Variants in AGBL1 observed in about 807,000 individuals in gnomAD.
The protein encoded by AGBL1 is AGBL carboxypeptidase 1, also known as cytosolic carboxypeptidase 4.
A neutral mutation model predicts 118.9 loss-of-function variants in AGBL1; 130 were observed. The observed-to-expected ratio is 1.09, with a 90% CI of 0.95 to 1.26. AGBL1 has a LOEUF of 1.26. Ranked by LOEUF, AGBL1 falls within the 50% of genes most tolerant of loss-of-function variation. The pLI, the probability that AGBL1 is intolerant of heterozygous loss-of-function variation, is 0.00. For missense variants in AGBL1, 1,584 were observed against 1,298.1 expected (o/e 1.22, Z -3.38); for synonymous variants, 555 against 478.9 (o/e 1.16, Z -2.08).
chr15:86,704,191 A>G (rs1377564286), intron 22 of AGBL1, among the ~76,000 whole-genome samples: 1 of 152,222 alleles, frequency 6.6e-6, no homozygotes, highest in Non-Finnish European at 1.5e-5. Context: ...AAACCCTAGA[A>G]GAAAACCTAG....
chr15:86,295,238 C>A lies in AGBL1; in HGVS notation c.2221-17C>A. 1 of 1,612,550 alleles carries A rather than the reference C, an allele frequency of 6.2e-7. No homozygotes were observed. Among genetic ancestry groups the A allele is most frequent in the South Asian group, 1.1e-5 (1 of 90,942 alleles). The stretch of plus-strand genomic sequence containing the variant: ...AAAATGTTGATAATATACATGCCTG[C>A]TTTATTTCTGCTCCAGACTCATCTT... On this transcript the variant is annotated splice_polypyrimidine_tract_variant and intron_variant, in intron 16 of 22. Transcript: ENST00000614907.
chr15:87,028,130 A>G (rs1345593123), intron 24 of AGBL1, among the ~76,000 whole-genome samples: 2 of 151,942 alleles, frequency 1.3e-5, no homozygotes, highest in Non-Finnish European at 2.9e-5. Flanking sequence ...CTTCTGTTTC[A>G]ATATTAACTG....
chr15:86,998,621 T>TA (rs1370882905), intron 24 of AGBL1, among the ~76,000 whole-genome samples: 1 of 152,230 alleles, frequency 6.6e-6, no homozygotes. Context: ...TAATTTGTTA[T>TA]ATGGCAATAA....
intron 22 of AGBL1, among the ~76,000 whole-genome samples, chr15:86,763,794 G>A (rs2078059705): frequency 6.6e-6 from 1 of 151,976 alleles, no homozygotes; most frequent in Admixed American, 6.6e-5. Flanking sequence ...TGTAGCTTTG[G>A]AATTCTTTGA....
chr15:86,491,775 T>C lies in AGBL1; in HGVS notation c.2556-31035T>C, dbSNP rs529324379. On this transcript the variant is annotated intron_variant, in intron 18 of 22. Coordinates refer to ENST00000614907, the MANE Select transcript of AGBL1 (RefSeq NM_001386094.1). Reference sequence around the variant, plus strand: ...CAAACTCTAAAGCACTGGAAAAAAATTAATGATATTTTTAGTCATTCTTCA... The same window carrying C: ...CAAACTCTAAAGCACTGGAAAAAAACTAATGATATTTTTAGTCATTCTTCA... 3.8e-3 allele frequency among the ~76,000 whole-genome samples: 583 copies of C among 151,942 alleles called. 3 individuals carry two copies. Among genetic ancestry groups the C allele is most frequent in the African/African-American group, 0.013 (556 of 41,436 alleles).
chr15:86,614,264 C>A (rs1473382819), intron 21 of AGBL1, among the ~76,000 whole-genome samples: 1 of 152,276 alleles, frequency 6.6e-6, no homozygotes, highest in East Asian at 1.9e-4. Flanking sequence ...GCCTTAATTT[C>A]TGGATGAATT....
At chr15:87,024,156 A>G (rs938619848) in intron 24 of AGBL1, among the ~76,000 whole-genome samples, 8 of 152,064 alleles carry the variant, frequency 5.3e-5, no homozygotes, top group Non-Finnish European at 1.2e-4. Context: ...AATGAAACTG[A>G]AACAACAACA....
chr15:86,788,070 G>A (rs537883883), intron 22 of AGBL1, among the ~76,000 whole-genome samples: 59 of 152,268 alleles, frequency 3.9e-4, no homozygotes, highest in African/African-American at 1.4e-3. Flanking sequence ...AGAAGGATGA[G>A]GAAATGGGAG....
chr15:86,310,090 G>T lies in AGBL1; in HGVS notation c.2374+14682G>T, dbSNP rs565494339. 1.5e-3 allele frequency among the ~76,000 whole-genome samples: 223 copies of T among 152,206 alleles called. 1 individual carries two copies. Among genetic ancestry groups the T allele is most frequent in the Non-Finnish European group, 2.4e-3 (164 of 67,990 alleles). On this transcript the variant is annotated intron_variant, in intron 17 of 22. Transcript: ENST00000614907. The stretch of plus-strand genomic sequence containing the variant: ...CTTTGTTGGGAGTTTTTTGATTACA[G>T]ATTCAATCTCCTTACTTGTTATTGG...
At chr15:86,423,968 T>C (rs1474436980) in intron 18 of AGBL1, among the ~76,000 whole-genome samples, 1 of 152,224 alleles carries the variant, frequency 6.6e-6, no homozygotes, top group Non-Finnish European at 1.5e-5. Flanking sequence ...CAAAGTAATT[T>C]ATAGATTGAA....
chr15:86,311,604 A>T (rs1461700829), intron 17 of AGBL1, among the ~76,000 whole-genome samples: 1 of 151,272 alleles, frequency 6.6e-6, no homozygotes, highest in African/African-American at 2.4e-5. Flanking sequence ...GGGGCTTCCT[A>T]TTTTTTTTCT....
At chr15:86,774,604 C>T (rs1215676141) in intron 22 of AGBL1, among the ~76,000 whole-genome samples, 2 of 151,944 alleles carry the variant, frequency 1.3e-5, no homozygotes, top group Non-Finnish European at 2.9e-5. Context: ...GCAGGAAGCT[C>T]TAAGTACAGG....
chr15:86,295,191 T>C, intron 16 of AGBL1, 64 bp from the exon 17 acceptor site: 1 of 1,555,016 alleles, frequency 6.4e-7, no homozygotes, highest in Admixed American at 1.8e-5. Context: ...GCCGTTGTTG[T>C]TTTCTATTAT....
At chr15:86,176,644 T>A (rs1181355947) in intron 5 of AGBL1, among the ~76,000 whole-genome samples, 3 of 152,130 alleles carry the variant, frequency 2.0e-5, no homozygotes, top group Admixed American at 2.0e-4. Context: ...GATGTGGAAA[T>A]TCAGGGGCTG....
intron 23 of AGBL1, among the ~76,000 whole-genome samples, chr15:86,946,870 A>C (rs2080829796): frequency 6.6e-6 from 1 of 150,744 alleles, no homozygotes; most frequent in Non-Finnish European, 1.5e-5. Flanking sequence ...AACAAAATAG[A>C]AAAGAAAGAA....
intron 18 of AGBL1, among the ~76,000 whole-genome samples, chr15:86,476,333 C>T (rs2142113015): frequency 6.6e-6 from 1 of 152,150 alleles, no homozygotes; most frequent in Admixed American, 6.5e-5. Flanking sequence ...ATTCAGGAGA[C>T]CCATCTCAAG....
At chr15:87,003,888 C>G (rs566255511) in intron 24 of AGBL1, among the ~76,000 whole-genome samples, 2 of 152,128 alleles carry the variant, frequency 1.3e-5, no homozygotes, top group African/African-American at 4.8e-5. Context: ...AGTGGTCTAT[C>G]AATTTGTTGA....
chr15:86,341,768 T>G (rs1419628394), intron 17 of AGBL1, among the ~76,000 whole-genome samples: 1 of 152,088 alleles, frequency 6.6e-6, no homozygotes, highest in Non-Finnish European at 1.5e-5. Context: ...CTTGATGAGA[T>G]TTTGGTCAGA....
intron 22 of AGBL1, among the ~76,000 whole-genome samples, chr15:86,850,073 G>T (rs1283154676): frequency 6.6e-6 from 1 of 152,118 alleles, no homozygotes; most frequent in African/African-American, 2.4e-5. Context: ...CTGGTGTGTT[G>T]CTCAATCTCC....
Sources: gnomAD v4.1 joint callset for allele counts (sites outside exome capture counted in the v4.1 genomes callset) on GRCh38, gnomAD v4.1.1 for gene constraint, MANE v1.5 for transcripts, NCBI Gene and HGNC (gene_info 2026-07-23, HGNC 2026-07-21) for gene names.